KCNAB2: variants seen among roughly 807,000 people sequenced by gnomAD.
KCNAB2 encodes potassium voltage-gated channel subfamily A regulatory beta subunit 2, also known as voltage-gated potassium channel subunit beta-2.
A neutral mutation model predicts 63.6 loss-of-function variants in KCNAB2; 29 were observed. That is an observed-to-expected ratio of 0.46 (90% CI 0.34 to 0.62). KCNAB2 has a LOEUF of 0.62. Among genes scored for constraint, KCNAB2 ranks in the 20% least tolerant of loss-of-function variants. The pLI is 0.01. For synonymous variants in KCNAB2, 222 were observed against 224.2 expected (o/e 0.99, Z 0.09); for missense variants, 359 against 563.9 (o/e 0.64, Z 3.68).
intron 2 of KCNAB2, chr1:6,040,666 C>T (rs762200918): frequency 1.8e-5 from 27 of 1,484,742 alleles, no homozygotes; most frequent in Admixed American, 1.0e-4. Context: ...GCCCCCTCAC[C>T]CAGGCCCCCT....
At chr1:6,000,292 C>T (rs576230862) in intron 1 of KCNAB2, among the ~76,000 whole-genome samples, 4 of 152,338 alleles carry the variant, frequency 2.6e-5, no homozygotes, top group Non-Finnish European at 4.4e-5. Context: ...CCATGTTGTC[C>T]CTTTGCTCCT....
rs1230911104 is a variant in KCNAB2 at position 6,099,355 on chromosome 1, C to G, written c.*781C>G. On this transcript the variant is annotated 3_prime_UTR_variant, in exon 16 of 16. Coordinates refer to ENST00000378083, the MANE Select transcript of KCNAB2 (RefSeq NM_001199862.2). Reference sequence around the variant, plus strand: ...AGCTCAGCCTCCCACCGTCTTCCTCCTACACACCAATGATGAGCCTCATGC... The same window carrying G: ...AGCTCAGCCTCCCACCGTCTTCCTCGTACACACCAATGATGAGCCTCATGC... The G allele has an allele frequency of 1.2e-5, 2 of 160,200 alleles. No homozygotes were observed. Among genetic ancestry groups the G allele is most frequent in the African/African-American group, 2.4e-5 (1 of 41,708 alleles). The allele number at this position is 160,200 out of a possible 1,614,324, so 9.9% of individuals were successfully genotyped here.
At chr1:6,077,830 G>A (rs889296092) in intron 4 of KCNAB2, among the ~76,000 whole-genome samples, 7 of 152,334 alleles carry the variant, frequency 4.6e-5, no homozygotes, top group South Asian at 2.1e-4. Context: ...TAGAGAGGGC[G>A]ACAGGGTAAA....
At chr1:6,025,890 C>T (rs1230739514) in intron 1 of KCNAB2, 1 of 141,706 alleles carries the variant, frequency 7.1e-6, no homozygotes, top group Non-Finnish European at 1.6e-5. Flanking sequence ...CAGCCGATCC[C>T]GGCACACAGC....
intron 1 of KCNAB2, among the ~76,000 whole-genome samples, chr1:6,011,022 T>C (rs919586857): frequency 6.6e-6 from 1 of 152,144 alleles, no homozygotes; most frequent in Admixed American, 6.5e-5. Context: ...AAAGTGCAAC[T>C]CTCTACCTGC....
intron 2 of KCNAB2, among the ~76,000 whole-genome samples, chr1:6,060,927 T>C (rs944576710): frequency 2.1e-5 from 3 of 141,406 alleles, no homozygotes; most frequent in Non-Finnish European, 3.1e-5. Context: ...AAAAAAGCCA[T>C]ATCTAAAACC....
upstream of KCNAB2, chr1:6,041,707 G>A (rs1469308838): frequency 6.1e-6 from 5 of 814,046 alleles, no homozygotes; most frequent in East Asian, 1.0e-4. Context: ...GACTGGTGGG[G>A]GCCCGGGGGC....
chr1:6,042,887 G>A (rs536562955), upstream of KCNAB2, among the ~76,000 whole-genome samples: 44 of 132,234 alleles, frequency 3.3e-4, no homozygotes, highest in South Asian at 7.6e-3. Context: ...GATGGGGACC[G>A]TGGACCTAGA....
rs775038262 is a variant in KCNAB2, at chr1:6,051,729, G to A, written c.193G>A (p.Ala65Thr). 46 of 1,533,400 alleles carry A rather than the reference G, an allele frequency of 3.0e-5. No individual in the cohort carries two copies. The highest frequency in any genetic ancestry group is 2.3e-4 in the Middle Eastern group (1 of 4,408). The allele number at this position is 1,533,400 out of a possible 1,614,324, so 95.0% of individuals were successfully genotyped here. The change falls in exon 2 of 16, where the codon GCC becomes ACC. Residue 65 changes from alanine to threonine, a missense_variant. Physicochemically the swap from Ala to Thr is moderately conservative, Grantham distance 58. Transcript: ENST00000378083. ...MHGLSLDGCT[A>T]QRTGMKYRNL... ...CGGCCTTTCCCTGGACGGCTGCACC[G>A]CCCAGCGCACAGGCATGAAGTATCG...
At chr1:6,045,487 G>A (rs1357158907), upstream of KCNAB2, among the ~76,000 whole-genome samples, 1 of 152,182 alleles carries the variant, frequency 6.6e-6, no homozygotes, top group East Asian at 1.9e-4. The surrounding 1 kb of genome is among the most constrained non-coding windows in gnomAD (Gnocchi z 4.8). Context: ...GAGTGGCAGT[G>A]TGGAGTCCAA....
At chr1:6,031,239 G>A (rs746427784), upstream of KCNAB2, among the ~76,000 whole-genome samples, 1 of 152,008 alleles carries the variant, frequency 6.6e-6, no homozygotes, top group Admixed American at 6.6e-5. This position sits in a 1 kb window ranked among gnomAD's most constrained non-coding sequence, Gnocchi z 4.1. Context: ...TCTCACCTGG[G>A]TGCACTGACT....
At chr1:6,097,218 G>C in intron 14 of KCNAB2, 51 bp from the exon 15 acceptor site, 1 of 1,497,902 alleles carries the variant, frequency 6.7e-7, no homozygotes, top group East Asian at 2.5e-5. Flanking sequence ...AGACCCATCA[G>C]GGGCCCCTGT....
intron 2 of KCNAB2, among the ~76,000 whole-genome samples, chr1:6,058,390 G>A (rs1382502815): frequency 6.6e-6 from 1 of 151,990 alleles, no homozygotes; most frequent in African/African-American, 2.4e-5. Context: ...GTCCTGGGAG[G>A]AACCCGGGCT....
chr1:6,023,187 G>T (rs754978805), intron 1 of KCNAB2, among the ~76,000 whole-genome samples: 1 of 152,094 alleles, frequency 6.6e-6, no homozygotes, highest in Non-Finnish European at 1.5e-5. Context: ...CAGCCTTTGC[G>T]TATCTTTTTA....
intron 1 of KCNAB2, among the ~76,000 whole-genome samples, chr1:6,039,085 G>A (rs1225514434): frequency 2.0e-5 from 3 of 152,252 alleles, no homozygotes; most frequent in Non-Finnish European, 2.9e-5. Flanking sequence ...CAGCAAGGGC[G>A]TGGTGTCGGC....
At position 6,047,452 on chromosome 1, in the gene KCNAB2, T is replaced by C. The variant is rs1318119317; in HGVS notation, c.-27+1269T>C. Among the ~76,000 whole-genome samples the C allele has an allele frequency of 2.6e-5, 4 of 152,166 alleles. No homozygotes were observed. The East Asian group carries it at 7.7e-4, about 29-fold the overall frequency. Reference sequence around the variant, plus strand: ...TATCCTTCTTCCCCTGGGGCAGCCCTCCCAGAGTCATGAGCCTTCAGGACC... The same window carrying C: ...TATCCTTCTTCCCCTGGGGCAGCCCCCCCAGAGTCATGAGCCTTCAGGACC... On this transcript the variant is annotated intron_variant, in intron 1 of 15. Transcript: ENST00000378083.
intron 1 of KCNAB2, among the ~76,000 whole-genome samples, chr1:6,011,824 A>G (rs1193294379): frequency 6.6e-6 from 1 of 152,152 alleles, no homozygotes; most frequent in African/African-American, 2.4e-5. Context: ...CTGAAGGGGC[A>G]CCTGTGGGGC....
intron 1 of KCNAB2, among the ~76,000 whole-genome samples, chr1:5,999,823 G>A (rs952527410): frequency 1.1e-4 from 16 of 150,038 alleles, no homozygotes; most frequent in African/African-American, 3.2e-4. Context: ...CCCTGCCTGC[G>A]CCCTGTCTGT....
chr1:6,015,035 T>TTG (rs1357180699), intron 1 of KCNAB2, among the ~76,000 whole-genome samples: 123 of 131,988 alleles, frequency 9.3e-4, no homozygotes, highest in African/African-American at 3.4e-3. Flanking sequence ...TTTTTTTTTT[T>TTG]TTTTTTTGTT....
Sources: allele counts gnomAD v4.1 joint callset (sites outside exome capture counted in the v4.1 genomes callset), GRCh38; gene constraint gnomAD v4.1.1; non-coding constraint Gnocchi (gnomAD v3.1); transcripts MANE v1.5; gene names NCBI Gene and HGNC (gene_info 2026-07-23, HGNC 2026-07-21).